The following TSPAN18 variants were observed in gnomAD, a reference collection of about 807,000 sequenced individuals.
TSPAN18 encodes tetraspanin 18.
In TSPAN18, 14 loss-of-function variants were observed where a neutral mutation model predicts 27.3. The observed-to-expected ratio is 0.51, with a 90% CI of 0.34 to 0.80. The LOEUF is 0.80. Among genes scored for constraint, TSPAN18 ranks in the 30% least tolerant of loss-of-function variants. The pLI is 0.01. For synonymous variants in TSPAN18, 143 were observed against 136.5 expected (o/e 1.05, Z -0.33); for missense variants, 268 against 323.9 (o/e 0.83, Z 1.32).
At chr11:44,763,050 C>T (rs376610197) in intron 1 of TSPAN18, among the ~76,000 whole-genome samples, 11 of 152,292 alleles carry the variant, frequency 7.2e-5, no homozygotes, top group Non-Finnish European at 1.3e-4. Flanking sequence ...AGTGGTGTAA[C>T]CTTGGGCAAG....
chr11:44,908,811 GAAAGAAAGAAAGAAAGAAAA>G lies in TSPAN18; in HGVS notation c.64-892_64-873del, dbSNP rs1859589707. Among the ~76,000 whole-genome samples, 3 of 114,978 alleles carry G rather than the reference GAAAGAAAGAAAGAAAGAAAA, an allele frequency of 2.6e-5. 1 individual carries two copies. The highest frequency in any genetic ancestry group is 1.1e-4 in the African/African-American group (3 of 28,210). 75.4% of individuals were successfully genotyped at this position (114,978 alleles called of 152,430 possible). A position where few individuals can be genotyped will look rare whatever the true frequency, so the allele number is the denominator to read the frequency against. ...AGAAAGAAAGAAAGAAAGAAAGAAA[GAAAGAAAGAAAGAAAGAAAA>G]AGAAAAATGGAGCAGATATTTATTG... On this transcript the variant is annotated intron_variant, in intron 4 of 9. Transcript: ENST00000520358.
chr11:44,892,699 T>G (rs1858894463), intron 3 of TSPAN18, among the ~76,000 whole-genome samples: 2 of 152,130 alleles, frequency 1.3e-5, no homozygotes, highest in Admixed American at 1.3e-4. Context: ...AGGCATGGAT[T>G]GTTTGAGGGT....
chr11:44,815,527 G>T (rs1380872778), intron 2 of TSPAN18, among the ~76,000 whole-genome samples: 1 of 152,150 alleles, frequency 6.6e-6, no homozygotes, highest in African/African-American at 2.4e-5. Flanking sequence ...TGTGAAGGGG[G>T]GTCTGGGGAG....
intron 3 of TSPAN18, among the ~76,000 whole-genome samples, chr11:44,871,357 G>A (rs1025417625): frequency 2.2e-4 from 33 of 152,038 alleles, no homozygotes; most frequent in African/African-American, 6.3e-4. Flanking sequence ...TCTTATAAGG[G>A]CACTAATCTT....
At position 44,929,907 on chromosome 11, in the gene TSPAN18, C is replaced by G. The variant is rs1860502077; in HGVS notation, c.*729C>G. 1 of 152,448 alleles carries G rather than the reference C, an allele frequency of 6.6e-6. No individual in the cohort carries two copies. Among genetic ancestry groups the G allele is most frequent in the Non-Finnish European group, 1.5e-5 (1 of 68,208 alleles). 9.4% of individuals were successfully genotyped at this position (152,448 alleles called of 1,614,324 possible). A position where few individuals can be genotyped will look rare whatever the true frequency, so the allele number is the denominator to read the frequency against. On this transcript the variant is annotated 3_prime_UTR_variant, in exon 10 of 10. Coordinates refer to ENST00000520358, the MANE Select transcript of TSPAN18 (RefSeq NM_130783.5). ...CACTGCATCCAGGACTCTGTCAGCTCTGCTGCCCACATGCACCCCTGGCCT... is the reference window on the plus strand; with the variant it reads ...CACTGCATCCAGGACTCTGTCAGCTGTGCTGCCCACATGCACCCCTGGCCT...
intron 1 of TSPAN18, among the ~76,000 whole-genome samples, chr11:44,753,163 C>T (rs912558032): frequency 3.3e-5 from 5 of 152,124 alleles, no homozygotes; most frequent in Admixed American, 1.3e-4. Context: ...GAGTCTTACT[C>T]TATCACTCAG....
chr11:44,780,185 C>G (rs1179173054), intron 2 of TSPAN18, among the ~76,000 whole-genome samples: 1 of 152,158 alleles, frequency 6.6e-6, no homozygotes, highest in African/African-American at 2.4e-5. Flanking sequence ...CTCCCTGCCT[C>G]TCCCCCACTG....
chr11:44,873,937 G>A (rs141096162), intron 3 of TSPAN18, among the ~76,000 whole-genome samples: 139 of 152,328 alleles, frequency 9.1e-4, no homozygotes, highest in African/African-American at 3.0e-3. Flanking sequence ...GGCTGGCATA[G>A]CTAGGTTTGT....
chr11:44,807,653 A>G (rs556508138), intron 2 of TSPAN18, among the ~76,000 whole-genome samples: 1 of 152,074 alleles, frequency 6.6e-6, no homozygotes, highest in Admixed American at 6.6e-5. Flanking sequence ...CCTGGGGGGA[A>G]CTCAAGTTTG....
At chr11:44,741,959 A>T (rs1854946971) in intron 1 of TSPAN18, among the ~76,000 whole-genome samples, 1 of 151,158 alleles carries the variant, frequency 6.6e-6, no homozygotes, top group Non-Finnish European at 1.5e-5. Flanking sequence ...CTCTCCAGAA[A>T]CAGCAGAGTT....
chr11:44,788,456 C>CTTTT (rs11458938), intron 2 of TSPAN18, among the ~76,000 whole-genome samples: 2 of 126,802 alleles, frequency 1.6e-5, no homozygotes, highest in African/African-American at 3.0e-5. Flanking sequence ...CTTTTTTTCT[C>CTTTT]TTTTTTTTTT....
At chr11:44,740,402 T>G (rs1854905509) in intron 1 of TSPAN18, among the ~76,000 whole-genome samples, 1 of 152,196 alleles carries the variant, frequency 6.6e-6, no homozygotes, top group South Asian at 2.1e-4. Context: ...GAAAGCAGGC[T>G]GTACAACCAA....
chr11:44,737,347 C>T (rs1314158347), intron 1 of TSPAN18, among the ~76,000 whole-genome samples: 1 of 152,180 alleles, frequency 6.6e-6, no homozygotes. Flanking sequence ...GGAAGCAGGT[C>T]GTGGTGGCTG....
chr11:44,728,236 G>T (rs1352737076), intron 1 of TSPAN18, among the ~76,000 whole-genome samples: 2 of 152,232 alleles, frequency 1.3e-5, no homozygotes, highest in Non-Finnish European at 2.9e-5. Flanking sequence ...TAGGAGTCAG[G>T]ATGTGATTTT....
intron 3 of TSPAN18, among the ~76,000 whole-genome samples, chr11:44,863,557 T>C (rs1857952785): frequency 6.6e-6 from 1 of 152,204 alleles, no homozygotes; most frequent in South Asian, 2.1e-4. Context: ...TTTACAGAGC[T>C]TAGGGCTCAT....
chr11:44,804,163 G>C (rs963239232), intron 2 of TSPAN18, among the ~76,000 whole-genome samples: 1 of 152,092 alleles, frequency 6.6e-6, no homozygotes, highest in Non-Finnish European at 1.5e-5. Context: ...GAGTGCAATG[G>C]TGCGATCTCA....
intron 2 of TSPAN18, among the ~76,000 whole-genome samples, chr11:44,783,246 C>A (rs1855980128): frequency 6.6e-6 from 1 of 152,082 alleles, no homozygotes; most frequent in African/African-American, 2.4e-5. Context: ...TTCTTAGATA[C>A]CTAACCATAA....
chr11:44,747,278 C>T (rs1388666411), intron 1 of TSPAN18, among the ~76,000 whole-genome samples: 4 of 152,242 alleles, frequency 2.6e-5, no homozygotes, highest in Non-Finnish European at 2.9e-5. Flanking sequence ...CTCTCTGGGG[C>T]ACAGAACTTC....
intron 3 of TSPAN18, among the ~76,000 whole-genome samples, chr11:44,862,225 C>T (rs1325496346): frequency 6.6e-6 from 1 of 152,246 alleles, no homozygotes; most frequent in Non-Finnish European, 1.5e-5. Flanking sequence ...GCCAGCCTGG[C>T]AGCCCTGCTG....
Sources: allele counts gnomAD v4.1 joint callset (sites outside exome capture counted in the v4.1 genomes callset), GRCh38; gene constraint gnomAD v4.1.1; transcripts MANE v1.5; gene names NCBI Gene and HGNC (gene_info 2026-07-23, HGNC 2026-07-21).